The following DYSF variants were observed in gnomAD, a reference collection of about 807,000 sequenced individuals.
DYSF encodes the protein dysferlin.
In DYSF, 212 loss-of-function variants were observed where a neutral mutation model predicts 274.9. The ratio of observed to expected loss-of-function variants is 0.77; its 90% CI spans 0.69 to 0.86. DYSF has a LOEUF of 0.86. DYSF is among the 40% of genes least tolerant of loss of function. The probability of loss-of-function intolerance (pLI) is 0.00; values close to 1 mark genes in which losing one functional copy is unlikely to be tolerated. For synonymous variants in DYSF, 1,091 were observed against 1,078.7 expected (o/e 1.01, Z -0.22); for missense variants, 2,666 against 2,783.2 (o/e 0.96, Z 0.95).
chr2:71,456,396 C>T (rs927493107), intron 1 of DYSF, among the ~76,000 whole-genome samples: 9 of 152,236 alleles, frequency 5.9e-5, no homozygotes, highest in African/African-American at 2.2e-4. Flanking sequence ...CCAAATTTGG[C>T]CTCCCTGTGA....
In DYSF at chr2:71,526,253, G is replaced by T; in HGVS notation, c.1183G>T (p.Asp395Tyr). 1 of 1,614,254 alleles carries T rather than the reference G, an allele frequency of 6.2e-7. No homozygotes were observed. The highest frequency in any genetic ancestry group is 1.1e-5 in the South Asian group (1 of 91,090). ...AAAAGACCCCTCTGAAGACAAGGAG[G>T]ACATTGAAAGCAACCTGCTCCGGCC... Reference protein sequence around the residue: ...ERKDPSEDKEDIESNLLRPTG... With the variant: ...ERKDPSEDKEYIESNLLRPTG... Residue 395 changes from aspartate (D) to tyrosine (Y), a missense_variant, in exon 13 of 56, where the codon GAC becomes TAC. Around this residue, in one of 3 missense-constraint regions of DYSF, gnomAD observed 794 missense variants for 777.1 expected, o/e 1.02. Coordinates refer to ENST00000410020, the MANE Select transcript of DYSF (RefSeq NM_001130987.2).
chr2:71,558,084 A>G (rs1028933607), intron 22 of DYSF, among the ~76,000 whole-genome samples: 2 of 152,136 alleles, frequency 1.3e-5, no homozygotes, highest in Non-Finnish European at 2.9e-5. Context: ...ACTGAGGCAC[A>G]GAGAGGTTAA....
At chr2:71,554,540 T>G (rs1573954036) in intron 21 of DYSF, among the ~76,000 whole-genome samples, 4 of 145,464 alleles carry the variant, frequency 2.7e-5, no homozygotes, top group Non-Finnish European at 4.5e-5. Context: ...AGATGGGGGG[T>G]GGGAACCCAG....
intron 42 of DYSF, among the ~76,000 whole-genome samples, chr2:71,654,434 A>G (rs1327848999): frequency 1.3e-5 from 2 of 152,222 alleles, no homozygotes; most frequent in Non-Finnish European, 2.9e-5. Flanking sequence ...ACAAGTGCAC[A>G]AAACACTTGG....
At chr2:71,685,857 G>A (rs1342959555) in intron 55 of DYSF, among the ~76,000 whole-genome samples, 1 of 152,196 alleles carries the variant, frequency 6.6e-6, no homozygotes, top group Non-Finnish European at 1.5e-5. Context: ...GGGGGGAGAA[G>A]TGGGGAGGGG....
chr2:71,473,996 G>C (rs1255650733), intron 1 of DYSF, among the ~76,000 whole-genome samples: 2 of 136,012 alleles, frequency 1.5e-5, no homozygotes, highest in African/African-American at 5.8e-5. Flanking sequence ...GTGTGATCTT[G>C]GCTCACCACA....
intron 14 of DYSF, among the ~76,000 whole-genome samples, chr2:71,529,165 A>G (rs1309169919): frequency 1.3e-5 from 2 of 152,218 alleles, no homozygotes; most frequent in African/African-American, 4.8e-5. Context: ...TTAACCAGGT[A>G]CAACCATCAA....
intron 51 of DYSF, among the ~76,000 whole-genome samples, chr2:71,673,438 G>A (rs2095165615): frequency 6.6e-6 from 1 of 152,172 alleles, no homozygotes; most frequent in Admixed American, 6.5e-5. Flanking sequence ...GCAGGAGACG[G>A]AACTTCCCAG....
At chr2:71,620,287 A>G (rs1318028571) in intron 40 of DYSF, among the ~76,000 whole-genome samples, 1 of 152,168 alleles carries the variant, frequency 6.6e-6, no homozygotes, top group Non-Finnish European at 1.5e-5. Context: ...CGTCTCATTC[A>G]TACTCACTGT....
chr2:71,594,158 T>C (rs1182437653), intron 32 of DYSF, among the ~76,000 whole-genome samples: 1 of 152,100 alleles, frequency 6.6e-6, no homozygotes, highest in Non-Finnish European at 1.5e-5. Context: ...GTGCCTTAGT[T>C]TCCCTCAGAT....
intron 42 of DYSF, among the ~76,000 whole-genome samples, chr2:71,648,919 A>T (rs1006049910): frequency 6.6e-6 from 1 of 152,156 alleles, no homozygotes; most frequent in Non-Finnish European, 1.5e-5. Context: ...CCCTCCAAGC[A>T]TAAAGGCTAC....
chr2:71,570,132 C>G (rs956688601), intron 27 of DYSF, 97 bp from the exon 28 acceptor site: 12 of 1,211,862 alleles, frequency 9.9e-6, no homozygotes, highest in Admixed American at 1.7e-5. Context: ...CTGTCTGGGA[C>G]TTGGAGGACG....
chr2:71,477,174 G>C (rs57926327), intron 1 of DYSF, among the ~76,000 whole-genome samples: 1 of 151,974 alleles, frequency 6.6e-6, no homozygotes, highest in African/African-American at 2.4e-5. Flanking sequence ...ACAAGCAGGA[G>C]CACTGGGACA....
rs553042132 is a variant in DYSF at position 71,613,435 on chromosome 2, G to T, written c.4464+25G>T. 2.9e-5 allele frequency: 47 copies of T among 1,598,146 alleles called. No individual in the cohort carries two copies. The East Asian group carries it at 5.8e-4, about 20-fold the overall frequency. ...GGTAGGATGGGCATCCTCCAGGGAG[G>T]CCTGGGTCACCTTTCCCCTCCATTC... On this transcript the variant is annotated intron_variant, in intron 40 of 55. Coordinates refer to ENST00000410020, the MANE Select transcript of DYSF (RefSeq NM_001130987.2).
At chr2:71,507,134 A>C (rs1484896604) in intron 4 of DYSF, among the ~76,000 whole-genome samples, 2 of 152,126 alleles carry the variant, frequency 1.3e-5, no homozygotes, top group Non-Finnish European at 2.9e-5. Context: ...GGCACTGGGC[A>C]CGGTGTGGAA....
At chr2:71,519,811 G>GTTTTTTTTTTTTTTTT (rs70959241) in intron 10 of DYSF, among the ~76,000 whole-genome samples, 8 of 102,284 alleles carry the variant, frequency 7.8e-5, no homozygotes, top group African/African-American at 1.2e-4. Flanking sequence ...CACCCGGCTA[G>GTTTTTTTTTTTTTTTT]TTTTTTTTTT....
chr2:71,686,583 A>G lies in DYSF; in HGVS notation c.*91A>G. 1 of 1,469,822 alleles carries G rather than the reference A, an allele frequency of 6.8e-7. No homozygotes were observed. The highest frequency in any genetic ancestry group is 9.5e-7 in the Non-Finnish European group (1 of 1,054,522). The allele number at this position is 1,469,822 out of a possible 1,614,324, so 91.0% of individuals were successfully genotyped here. A position where few individuals can be genotyped will look rare whatever the true frequency, so the allele number is the denominator to read the frequency against. ...CGCCCAGCTCGGCGAGCTCCTCCAG[A>G]CCTCCTAGGCCTGATTGTCCTGCCA... On this transcript the variant is annotated 3_prime_UTR_variant, in exon 56 of 56. Transcript: ENST00000410020.
intron 41 of DYSF, among the ~76,000 whole-genome samples, chr2:71,642,750 C>T (rs1011842082): frequency 3.3e-5 from 5 of 152,194 alleles, no homozygotes; most frequent in South Asian, 2.1e-4. Flanking sequence ...CTCATCCTAC[C>T]GTCTCCCCAG....
intron 32 of DYSF, among the ~76,000 whole-genome samples, chr2:71,597,161 A>T (rs1165292222): frequency 6.6e-6 from 1 of 152,126 alleles, no homozygotes; most frequent in Admixed American, 6.5e-5. Context: ...TTGAACCTGC[A>T]TCCTTCTGAG....
Sources: gnomAD v4.1 joint callset for allele counts (sites outside exome capture counted in the v4.1 genomes callset) on GRCh38, gnomAD v4.1.1 for gene constraint, gnomAD v4.1.1 regional missense constraint, MANE v1.5 for transcripts, NCBI Gene and HGNC (gene_info 2026-07-23, HGNC 2026-07-21) for gene names.